The following STIM2 variants were observed in gnomAD, a reference collection of about 807,000 sequenced individuals.
STIM2 encodes stromal interaction molecule 2.
In STIM2, 31 loss-of-function variants were observed where a neutral mutation model predicts 85.8. The observed-to-expected ratio is 0.36, with a 90% CI of 0.27 to 0.49. STIM2 has a LOEUF of 0.49. Ranked by LOEUF, STIM2 falls within the 20% of genes least tolerant of loss-of-function variation. STIM2 has a pLI of 0.98. For synonymous variants in STIM2, 356 were observed against 331.1 expected, an observed-to-expected ratio of 1.08 and a Z score of -0.82; for missense variants, 841 against 927.6, an observed-to-expected ratio of 0.91 and a Z score of 1.21.
chr4:26,919,860 A>G (rs567110305), intron 2 of STIM2, among the ~76,000 whole-genome samples: 3 of 152,140 alleles, frequency 2.0e-5, no homozygotes, highest in African/African-American at 7.2e-5. Context: ...AAAATTTTCC[A>G]TCTCATGTTC....
intron 1 of STIM2, among the ~76,000 whole-genome samples, chr4:26,878,030 G>T (rs575556709): frequency 1.3e-5 from 2 of 152,318 alleles, no homozygotes; most frequent in East Asian, 3.9e-4. Flanking sequence ...CTCCAGAACA[G>T]TGAGGAAATA....
intron 1 of STIM2, among the ~76,000 whole-genome samples, chr4:26,866,728 A>G (rs183042821): frequency 6.6e-6 from 1 of 152,316 alleles, no homozygotes; most frequent in East Asian, 1.9e-4. Context: ...ACTCGGCTGT[A>G]TACTGGCAAG....
chr4:26,935,860 A>G (rs1348054684), intron 2 of STIM2, among the ~76,000 whole-genome samples: 2 of 152,172 alleles, frequency 1.3e-5, no homozygotes, highest in Admixed American at 6.5e-5. Flanking sequence ...ATATTTTTAC[A>G]GTTCTTTTAA....
At chr4:27,012,598 A>G (rs1168250531) in intron 10 of STIM2, among the ~76,000 whole-genome samples, 2 of 152,084 alleles carry the variant, frequency 1.3e-5, no homozygotes, top group Non-Finnish European at 2.9e-5. Flanking sequence ...ACAGAAACAT[A>G]TATTTAAGTA....
intron 1 of STIM2, among the ~76,000 whole-genome samples, chr4:26,891,836 G>A (rs1723502904): frequency 6.6e-6 from 1 of 152,142 alleles, no homozygotes; most frequent in Admixed American, 6.5e-5. Flanking sequence ...TCACCGAGGT[G>A]GAAGGCTCCT....
intron 1 of STIM2, among the ~76,000 whole-genome samples, chr4:26,876,417 C>A (rs1004037136): frequency 2.0e-5 from 3 of 152,104 alleles, no homozygotes; most frequent in Middle Eastern, 6.3e-3. Context: ...TCCTTTAACT[C>A]AGGGTTGCAT....
intron 3 of STIM2, among the ~76,000 whole-genome samples, chr4:26,987,779 T>A (rs1441045850): frequency 6.6e-6 from 1 of 152,256 alleles, no homozygotes; most frequent in African/African-American, 2.4e-5. Flanking sequence ...AGTCCATTAA[T>A]GTAATTGCCT....
At chr4:26,976,260 C>T (rs1393596513) in intron 3 of STIM2, among the ~76,000 whole-genome samples, 1 of 152,052 alleles carries the variant, frequency 6.6e-6, no homozygotes, top group Non-Finnish European at 1.5e-5. Flanking sequence ...GCACACGTTG[C>T]CCAGCCAGTC....
At chr4:26,956,797 C>T (rs1304462112) in intron 2 of STIM2, among the ~76,000 whole-genome samples, 1 of 152,044 alleles carries the variant, frequency 6.6e-6, no homozygotes, top group Non-Finnish European at 1.5e-5. Context: ...GATATTGAGG[C>T]AGTATATTAT....
intron 4 of STIM2, among the ~76,000 whole-genome samples, chr4:26,996,933 AGAT>A (rs1205290135): frequency 6.6e-6 from 1 of 152,196 alleles, no homozygotes; most frequent in Non-Finnish European, 1.5e-5. Flanking sequence ...GGTTAAGTAA[AGAT>A]GATCAGAGAT....
At chr4:26,952,385 G>T (rs995997415) in intron 2 of STIM2, among the ~76,000 whole-genome samples, 1 of 151,998 alleles carries the variant, frequency 6.6e-6, no homozygotes, top group African/African-American at 2.4e-5. Flanking sequence ...TCGTGTCCAA[G>T]AAATCATACA....
chr4:27,005,594 C>A (rs1399286023), intron 7 of STIM2, among the ~76,000 whole-genome samples: 1 of 152,074 alleles, frequency 6.6e-6, no homozygotes, highest in African/African-American at 2.4e-5. Context: ...TTTCTGTGTT[C>A]ATTCCCCTGT....
intron 3 of STIM2, among the ~76,000 whole-genome samples, chr4:26,969,301 A>T (rs1208385968): frequency 1.3e-5 from 2 of 152,216 alleles, no homozygotes; most frequent in Admixed American, 1.3e-4. Context: ...GTGGAGGGGC[A>T]AGTAATTAGA....
chr4:26,958,240 T>C (rs1726323603), intron 3 of STIM2, among the ~76,000 whole-genome samples: 1 of 152,152 alleles, frequency 6.6e-6, no homozygotes, highest in South Asian at 2.1e-4. Flanking sequence ...AGTAATTGTT[T>C]AGTACAGGAA....
intron 3 of STIM2, among the ~76,000 whole-genome samples, chr4:26,977,732 C>A (rs1004980329): frequency 6.6e-6 from 1 of 152,078 alleles, no homozygotes; most frequent in Non-Finnish European, 1.5e-5. Context: ...TAGGAAAAAA[C>A]CCAGAAATCT....
chr4:26,962,111 A>G (rs1193556882), intron 3 of STIM2, among the ~76,000 whole-genome samples: 1 of 152,168 alleles, frequency 6.6e-6, no homozygotes, highest in Non-Finnish European at 1.5e-5. Flanking sequence ...TGCTATAGAA[A>G]GTATGTAGGC....
chr4:26,892,354 G>C (rs183340999), intron 1 of STIM2, among the ~76,000 whole-genome samples: 2 of 152,196 alleles, frequency 1.3e-5, no homozygotes, highest in Admixed American at 1.3e-4. Context: ...TCTGTTTTGC[G>C]GCCATCTTTT....
chr4:26,997,670 A>T (rs918347351), intron 4 of STIM2, among the ~76,000 whole-genome samples: 1 of 152,256 alleles, frequency 6.6e-6, no homozygotes, highest in African/African-American at 2.4e-5. Context: ...TTCAGCTATT[A>T]TACAAACATT....
At chr4:26,960,069 G>T (rs939072011) in intron 3 of STIM2, among the ~76,000 whole-genome samples, 11 of 152,272 alleles carry the variant, frequency 7.2e-5, no homozygotes, top group African/African-American at 2.6e-4. Flanking sequence ...ATGTAAGGGT[G>T]GGGTATTGTT....
Sources: allele counts gnomAD v4.1 joint callset (sites outside exome capture counted in the v4.1 genomes callset), GRCh38; gene constraint gnomAD v4.1.1; transcripts MANE v1.5; gene names NCBI Gene and HGNC (gene_info 2026-07-23, HGNC 2026-07-21).